Variants in NALCN observed in about 807,000 individuals in gnomAD.
The protein encoded by NALCN is sodium leak channel NALCN.
Under a neutral mutation model 225.3 loss-of-function variants are expected in NALCN, and 111 were observed. The ratio of observed to expected loss-of-function variants is 0.49; its 90% CI spans 0.42 to 0.58. The LOEUF is 0.58. NALCN is among the 20% of genes least tolerant of loss of function. NALCN has a pLI of 0.00. For missense variants in NALCN, 1,378 were observed against 2,202.4 expected, an observed-to-expected ratio of 0.63 and a Z score of 7.49; for synonymous variants, 764 against 769.0, an observed-to-expected ratio of 0.99 and a Z score of 0.11.
intron 3 of NALCN, among the ~76,000 whole-genome samples, chr13:101,383,468 C>A (rs2046904604): frequency 6.6e-6 from 1 of 151,846 alleles, no homozygotes; most frequent in South Asian, 2.1e-4. Context: ...AGATGAGTAA[C>A]ACCCTGAGAC....
intron 14 of NALCN, chr13:101,181,290 T>C (rs950928081): frequency 1.2e-5 from 6 of 518,838 alleles, no homozygotes; most frequent in South Asian, 2.8e-5. Flanking sequence ...GAAGGCAGGA[T>C]GGACAGGCGT....
chr13:101,112,750 A>G (rs987759193), intron 18 of NALCN, among the ~76,000 whole-genome samples: 2 of 152,220 alleles, frequency 1.3e-5, no homozygotes, highest in Non-Finnish European at 2.9e-5. Context: ...CTTAAAATGC[A>G]TTTCTTGAAT....
intron 13 of NALCN, among the ~76,000 whole-genome samples, chr13:101,207,680 CACCAATCAGCACTCTGTAAAATGG>C (rs1396973898): frequency 1.3e-5 from 2 of 152,082 alleles, no homozygotes; most frequent in Non-Finnish European, 2.9e-5. Flanking sequence ...TTTGTAAACA[CACCAATCAGCACTCTGTAAAATGG>C]ACCAATCAGC....
chr13:101,211,749 C>T (rs2040534105), intron 13 of NALCN, among the ~76,000 whole-genome samples: 1 of 151,200 alleles, frequency 6.6e-6, no homozygotes, highest in Non-Finnish European at 1.5e-5. Context: ...ACAATCTGGC[C>T]TAAAGCTTCA....
intron 33 of NALCN, among the ~76,000 whole-genome samples, chr13:101,081,971 G>A (rs1483000121): frequency 6.6e-5 from 10 of 151,966 alleles, no homozygotes; most frequent in African/African-American, 1.5e-4. Flanking sequence ...TCTGCCTCCC[G>A]GGTTCAAGCA....
rs145579938 is a variant in NALCN, at chr13:101,407,978, G to T, written c.-40+8335C>A. ...CTATTTCTCACCATGCCTCAATGAG[G>T]TAAGTGTCTCTCTCTCTGTTATTCT... On this transcript the variant is annotated intron_variant, in intron 1 of 43. Transcript: ENST00000251127. Among the ~76,000 whole-genome samples, 397 of 152,306 alleles carry T rather than the reference G, an allele frequency of 2.6e-3. 2 individuals are homozygous for T. The highest frequency in any genetic ancestry group is 8.9e-3 in the African/African-American group (371 of 41,570).
intron 12 of NALCN, 75 bp from the exon 13 acceptor site, chr13:101,229,659 T>G: frequency 8.5e-7 from 1 of 1,171,250 alleles, no homozygotes; most frequent in East Asian, 2.8e-5. Flanking sequence ...ATATTCATAC[T>G]AAAATATTAT....
chr13:101,191,861 A>T (rs941380159), intron 14 of NALCN, 56 bp downstream of exon 14: 1 of 1,557,156 alleles, frequency 6.4e-7, no homozygotes, highest in African/African-American at 1.4e-5. Context: ...ATATCTGTTG[A>T]TGTTCATCCC....
chr13:101,100,945 G>T, intron 26 of NALCN, 57 bp from the exon 27 acceptor site: 1 of 1,383,750 alleles, frequency 7.2e-7, no homozygotes, highest in Non-Finnish European at 9.9e-7. Context: ...ATTAGGTTTG[G>T]TTTAAACAGT....
intron 38 of NALCN, 43 bp downstream of exon 38, chr13:101,068,652 C>A (rs1272927866): frequency 3.4e-6 from 5 of 1,485,370 alleles, no homozygotes; most frequent in East Asian, 5.0e-5. Flanking sequence ...TATCTAAGTA[C>A]CTGAGTTTAA....
intron 13 of NALCN, among the ~76,000 whole-genome samples, chr13:101,225,581 A>G (rs1363349809): frequency 6.6e-6 from 1 of 152,180 alleles, no homozygotes; most frequent in Non-Finnish European, 1.5e-5. Flanking sequence ...AGAGTCGAAG[A>G]CCAATTAGAC....
chr13:101,154,387 C>T lies in NALCN; in HGVS notation c.1840-9491G>A, dbSNP rs567501708. On this transcript the variant is annotated intron_variant, in intron 15 of 43. Coordinates refer to ENST00000251127, the MANE Select transcript of NALCN (RefSeq NM_052867.4). Reference sequence around the variant, plus strand: ...ACTTGTGAATCTTGTGCCTGTTATTCCTCTTATATGGGATATTTTCTCTCG... The same window carrying T: ...ACTTGTGAATCTTGTGCCTGTTATTTCTCTTATATGGGATATTTTCTCTCG... 2.0e-5 allele frequency among the ~76,000 whole-genome samples: 3 copies of T among 152,214 alleles called. No individual in the cohort carries two copies. The South Asian group carries it at 6.2e-4, about 32-fold the overall frequency.
intron 14 of NALCN, chr13:101,181,077 G>C (rs542064630): frequency 3.9e-6 from 2 of 518,836 alleles, no homozygotes; most frequent in Non-Finnish European, 3.8e-6. Context: ...GGCCAGGGGG[G>C]CACTTTCCGA....
intron 7 of NALCN, among the ~76,000 whole-genome samples, chr13:101,315,342 C>A (rs935126638): frequency 6.6e-6 from 1 of 152,120 alleles, no homozygotes; most frequent in Non-Finnish European, 1.5e-5. Flanking sequence ...AACCAGATTT[C>A]TTTTCCTTCT....
intron 15 of NALCN, among the ~76,000 whole-genome samples, chr13:101,154,769 T>C (rs2037823270): frequency 6.6e-6 from 1 of 152,222 alleles, no homozygotes; most frequent in Non-Finnish European, 1.5e-5. Flanking sequence ...ATTATTGTTT[T>C]CTTAGAGCCT....
At chr13:101,070,063 G>GTTCTTTTTTTTTTTT (rs536866923) in intron 37 of NALCN, among the ~76,000 whole-genome samples, 4 of 98,312 alleles carry the variant, frequency 4.1e-5, no homozygotes, top group African/African-American at 1.7e-4. Flanking sequence ...AATCATGAAT[G>GTTCTTTTTTTTTTTT]TTTTTTTTTT....
intron 7 of NALCN, among the ~76,000 whole-genome samples, chr13:101,339,516 CA>C (rs1326490030): frequency 6.6e-6 from 1 of 152,182 alleles, no homozygotes; most frequent in East Asian, 1.9e-4. Flanking sequence ...ACTAGTATCT[CA>C]GTTGTCACGT....
At chr13:101,226,289 C>T (rs2041138520) in intron 13 of NALCN, among the ~76,000 whole-genome samples, 1 of 152,258 alleles carries the variant, frequency 6.6e-6, no homozygotes, top group African/African-American at 2.4e-5. Context: ...CCACAATAAA[C>T]TTTCCCTCAC....
intron 28 of NALCN, among the ~76,000 whole-genome samples, chr13:101,094,292 C>T (rs2034389403): frequency 1.3e-5 from 2 of 152,144 alleles, no homozygotes; most frequent in African/African-American, 4.8e-5. Flanking sequence ...ACAAGAGTCT[C>T]TCTTCTTGCC....
Sources: allele counts gnomAD v4.1 joint callset (sites outside exome capture counted in the v4.1 genomes callset), GRCh38; gene constraint gnomAD v4.1.1; transcripts MANE v1.5; gene names NCBI Gene and HGNC (gene_info 2026-07-23, HGNC 2026-07-21).